MED15: variants seen among roughly 807,000 people sequenced by gnomAD.
MED15 encodes mediator complex subunit 15.
A neutral mutation model predicts 118.7 loss-of-function variants in MED15; 41 were observed. The observed-to-expected ratio is 0.35, with a 90% CI of 0.27 to 0.45. MED15 has a LOEUF of 0.45. MED15 is among the 20% of genes least tolerant of loss of function. The pLI is 1.00. For missense variants in MED15, 740 were observed against 1,025.5 expected, an observed-to-expected ratio of 0.72 and a Z score of 3.80; for synonymous variants, 436 against 413.9, an observed-to-expected ratio of 1.05 and a Z score of -0.65.
chr22:20,584,239 A>C, intron 13 of MED15, 120 bp from the exon 14 acceptor site: 1 of 990,570 alleles, frequency 1.0e-6, no homozygotes, highest in East Asian at 2.4e-5. Flanking sequence ...CAGCTGGTCA[A>C]CTGGTAGGAG....
At chr22:20,520,247 G>A (rs1316004214) in intron 1 of MED15, among the ~76,000 whole-genome samples, 4 of 152,242 alleles carry the variant, frequency 2.6e-5, no homozygotes, top group Admixed American at 6.5e-5. Flanking sequence ...CTCATCCCAC[G>A]TGCCCGCTGC....
In MED15 at chr22:20,587,558, C is replaced by T; in HGVS notation, c.*854C>T. On this transcript the variant is annotated 3_prime_UTR_variant, in exon 18 of 18. Transcript: ENST00000263205. ...CAGCACCCTCTGGTGAGAAGAGGTC[C>T]CCCCTTTTTATGTGCACTACCCCAC... 2.7e-6 allele frequency: 1 copy of T among 371,726 alleles called. No homozygotes were observed. The highest frequency in any genetic ancestry group is 4.7e-6 in the Non-Finnish European group (1 of 212,174). The allele number at this position is 371,726 out of a possible 1,614,324, so 23.0% of individuals were successfully genotyped here.
Position 20,585,630 on chromosome 22 carries a change from G to A in MED15, c.2132-98G>A, listed in dbSNP as rs917036735. The A allele has an allele frequency of 3.5e-6, 4 of 1,154,462 alleles. No homozygotes were observed. The African/African-American group carries it at 6.1e-5, about 18-fold the overall frequency. 71.5% of individuals were successfully genotyped at this position (1,154,462 alleles called of 1,614,324 possible). On this transcript the variant is annotated intron_variant, in intron 16 of 17. Coordinates refer to ENST00000263205, the MANE Select transcript of MED15 (RefSeq NM_001003891.3). ...CCAGGCTTTGCCACAAGCTTCACCA[G>A]AACCTCCCTGGGTGTGGAGTCCTGT...
intron 2 of MED15, among the ~76,000 whole-genome samples, chr22:20,545,955 C>T (rs889038327): frequency 1.3e-5 from 2 of 152,140 alleles, no homozygotes; most frequent in African/African-American, 2.4e-5. Context: ...CCTGAAGTGT[C>T]GAGGGCACAT....
intron 5 of MED15, among the ~76,000 whole-genome samples, chr22:20,561,212 A>G (rs1256984124): frequency 6.6e-6 from 1 of 151,806 alleles, no homozygotes; most frequent in Non-Finnish European, 1.5e-5. Flanking sequence ...CAAAAAAGAC[A>G]AAGAAGCTTA....
At chr22:20,572,670 A>G (rs965834811) in intron 8 of MED15, among the ~76,000 whole-genome samples, 2 of 152,226 alleles carry the variant, frequency 1.3e-5, no homozygotes, top group Non-Finnish European at 2.9e-5. Context: ...TGTAATCCCA[A>G]CGTTTTGGGA....
At chr22:20,537,987 C>T (rs983202353) in intron 2 of MED15, among the ~76,000 whole-genome samples, 5 of 152,150 alleles carry the variant, frequency 3.3e-5, no homozygotes, top group Non-Finnish European at 5.9e-5. Flanking sequence ...ACTACGGATA[C>T]GTTTGATAAG....
chr22:20,584,142 C>T, intron 13 of MED15: 1 of 593,036 alleles, frequency 1.7e-6, no homozygotes, highest in Non-Finnish European at 3.0e-6. Context: ...ACTGTCCCTT[C>T]TCTTGACCCA....
chr22:20,551,238 C>A, intron 2 of MED15, 198 bp from the exon 3 acceptor site: 1 of 713,304 alleles, frequency 1.4e-6, no homozygotes, highest in Non-Finnish European at 2.6e-6. Context: ...TTTCTTTGTG[C>A]CTGTTATTGG....
chr22:20,572,305 A>AGCTGCC (rs2056689995), intron 8 of MED15, among the ~76,000 whole-genome samples: 1 of 152,210 alleles, frequency 6.6e-6, no homozygotes, highest in South Asian at 2.1e-4. Context: ...TGTATGTATG[A>AGCTGCC]GCTGCCGCGT....
chr22:20,545,489 A>AG (rs1569202107), intron 2 of MED15, among the ~76,000 whole-genome samples: 1 of 151,526 alleles, frequency 6.6e-6, no homozygotes, highest in African/African-American at 2.4e-5. Context: ...AAAAAAAAAA[A>AG]AAAAGAAACA....
intron 7 of MED15, among the ~76,000 whole-genome samples, chr22:20,568,220 C>A (rs560952859): frequency 2.4e-4 from 37 of 152,218 alleles, no homozygotes; most frequent in Non-Finnish European, 3.2e-4. Flanking sequence ...CATGCTTGGC[C>A]CAGAGGATGA....
At chr22:20,538,150 T>A (rs1239856123) in intron 2 of MED15, among the ~76,000 whole-genome samples, 1 of 152,272 alleles carries the variant, frequency 6.6e-6, no homozygotes, top group Non-Finnish European at 1.5e-5. Flanking sequence ...CTTCCCTGTG[T>A]TGCCCAGGCT....
chr22:20,551,732 A>C, intron 3 of MED15: 1 of 559,648 alleles, frequency 1.8e-6, no homozygotes, highest in Non-Finnish European at 3.2e-6. Context: ...AAGTGGTCTA[A>C]ACGGGTTGCT....
chr22:20,570,187 G>A (rs574812979), intron 8 of MED15, among the ~76,000 whole-genome samples: 222 of 152,158 alleles, frequency 1.5e-3, no homozygotes, highest in African/African-American at 5.1e-3. Context: ...ATCACACCTG[G>A]CTAATTTTTG....
chr22:20,545,191 A>G (rs562828344), intron 2 of MED15, among the ~76,000 whole-genome samples: 2 of 152,144 alleles, frequency 1.3e-5, no homozygotes, highest in Non-Finnish European at 2.9e-5. Context: ...ATGATGTTCT[A>G]AAATTAGGCC....
In MED15 at chr22:20,553,139, A is replaced by T. The variant is rs775277726; in HGVS notation, c.209-6A>T. ...CTTTCGTTTTTTTGTTTGTGTTTTC[A>T]TATAGATAACAAGAAATCTCAAGCT... On this transcript the variant is annotated splice_region_variant and splice_polypyrimidine_tract_variant and intron_variant, in intron 3 of 17. Transcript: ENST00000263205. The T allele has an allele frequency of 1.9e-6, 3 of 1,610,238 alleles. No individual in the cohort carries two copies. Among genetic ancestry groups the T allele is most frequent in the Non-Finnish European group, 1.7e-6 (2 of 1,177,224 alleles).
rs141910571 is a variant in MED15 at position 20,581,805 on chromosome 22, G to C, written c.1273-806G>C. 14 of 152,460 alleles carry C rather than the reference G, an allele frequency of 9.2e-5. No individual in the cohort carries two copies. The East Asian group carries it at 2.1e-3, about 23-fold the overall frequency. The allele number at this position is 152,460 out of a possible 1,614,324, so 9.4% of individuals were successfully genotyped here. On this transcript the variant is annotated intron_variant, in intron 9 of 17. Coordinates refer to ENST00000263205, the MANE Select transcript of MED15 (RefSeq NM_001003891.3). ...TACGGATGAAGACAGTGGTGTCCCT[G>C]GTGCAGACACTGGGGTGATTGATCT...
rs142786849 is a variant in MED15 at position 20,513,040 on chromosome 22, G to A, written c.68+5294G>A. ...CAGACATGAGCCACCACGCCCGGCC[G>A]GGTCACCTCTTGTATTACAGTGGTA... On this transcript the variant is annotated intron_variant, in intron 1 of 17. Coordinates refer to ENST00000263205, the MANE Select transcript of MED15 (RefSeq NM_001003891.3). Among the ~76,000 whole-genome samples, 1,020 of 151,658 alleles carry A rather than the reference G, an allele frequency of 6.7e-3. 7 individuals are homozygous for A. The highest frequency in any genetic ancestry group is 9.6e-3 in the Admixed American group (146 of 15,202).
Sources: gnomAD v4.1 joint callset for allele counts (sites outside exome capture counted in the v4.1 genomes callset) on GRCh38, gnomAD v4.1.1 for gene constraint, MANE v1.5 for transcripts, NCBI Gene and HGNC (gene_info 2026-07-23, HGNC 2026-07-21) for gene names.